The following RUNDC3B variants were observed in gnomAD, a reference collection of about 807,000 sequenced individuals.
RUNDC3B encodes the protein RUN domain containing 3B, also known as RUN domain-containing protein 3B.
A neutral mutation model predicts 58.4 loss-of-function variants in RUNDC3B; 33 were observed. The observed-to-expected ratio is 0.56, with a 90% CI of 0.43 to 0.75. RUNDC3B has a LOEUF of 0.75. Among genes scored for constraint, RUNDC3B ranks in the 30% least tolerant of loss-of-function variants. The pLI is 0.00. For missense variants in RUNDC3B, 501 were observed against 535.7 expected, an observed-to-expected ratio of 0.94 and a Z score of 0.64; for synonymous variants, 193 against 195.2, an observed-to-expected ratio of 0.99 and a Z score of 0.10.
intron 4 of RUNDC3B, among the ~76,000 whole-genome samples, chr7:87,727,609 T>G (rs1831314760): frequency 6.6e-6 from 1 of 152,164 alleles, no homozygotes; most frequent in Admixed American, 6.6e-5. Context: ...GATGAATTTC[T>G]AAAACAAAGA....
chr7:87,663,265 T>C (rs1374960660), intron 2 of RUNDC3B, among the ~76,000 whole-genome samples: 1 of 152,184 alleles, frequency 6.6e-6, no homozygotes, highest in African/African-American at 2.4e-5. Flanking sequence ...TCTTATTTTA[T>C]TGTAAATACA....
intron 6 of RUNDC3B, among the ~76,000 whole-genome samples, chr7:87,755,875 A>G (rs1003673703): frequency 6.6e-6 from 1 of 152,208 alleles, no homozygotes; most frequent in Non-Finnish European, 1.5e-5. Flanking sequence ...AGCCAGAGCA[A>G]TCAGGCAAGA....
At chr7:87,678,402 A>G (rs897262975) in intron 2 of RUNDC3B, among the ~76,000 whole-genome samples, 6 of 152,236 alleles carry the variant, frequency 3.9e-5, no homozygotes, top group Non-Finnish European at 8.8e-5. Context: ...CTAAAATGTT[A>G]ACTGTAGACT....
intron 9 of RUNDC3B, among the ~76,000 whole-genome samples, chr7:87,807,844 A>G (rs1305347282): frequency 6.6e-6 from 1 of 152,170 alleles, no homozygotes; most frequent in Non-Finnish European, 1.5e-5. Context: ...GTCATAAAAC[A>G]CAATTTGAAG....
intron 4 of RUNDC3B, among the ~76,000 whole-genome samples, chr7:87,732,237 C>T (rs1210314591): frequency 8.6e-5 from 13 of 151,880 alleles, no homozygotes; most frequent in Non-Finnish European, 1.2e-4. Context: ...CATATCAAAA[C>T]CTGTGGTATT....
At chr7:87,784,847 G>A (rs1835122325) in intron 8 of RUNDC3B, among the ~76,000 whole-genome samples, 1 of 152,012 alleles carries the variant, frequency 6.6e-6, no homozygotes, top group Non-Finnish European at 1.5e-5. Context: ...TCCTGCCTAT[G>A]TTTCCTTAGC....
intron 1 of RUNDC3B, among the ~76,000 whole-genome samples, chr7:87,632,409 C>T (rs1365403361): frequency 2.0e-5 from 3 of 152,030 alleles, no homozygotes; most frequent in Non-Finnish European, 4.4e-5. Context: ...TTTTAGTGAA[C>T]ATTTACATGT....
chr7:87,694,979 A>G (rs1462411723), intron 2 of RUNDC3B, among the ~76,000 whole-genome samples: 2 of 152,158 alleles, frequency 1.3e-5, no homozygotes, highest in Non-Finnish European at 2.9e-5. Context: ...TAGACATTAC[A>G]TTGTCAATAC....
intron 2 of RUNDC3B, among the ~76,000 whole-genome samples, chr7:87,654,478 G>A (rs185924396): frequency 6.6e-6 from 1 of 152,146 alleles, no homozygotes; most frequent in African/African-American, 2.4e-5. Flanking sequence ...CACACACTAG[G>A]GAAAGGACAG....
At chr7:87,676,877 G>A (rs1826419903) in intron 2 of RUNDC3B, among the ~76,000 whole-genome samples, 1 of 151,922 alleles carries the variant, frequency 6.6e-6, no homozygotes, top group Non-Finnish European at 1.5e-5. Context: ...AAAGACACTC[G>A]ATATCACTAC....
intron 9 of RUNDC3B, among the ~76,000 whole-genome samples, chr7:87,813,770 G>C (rs1836861664): frequency 6.6e-6 from 1 of 151,956 alleles, no homozygotes; most frequent in Admixed American, 6.6e-5. Context: ...GTGAGGTCAG[G>C]AGATTGAGAC....
chr7:87,797,841 C>A (rs1835897282), intron 8 of RUNDC3B, among the ~76,000 whole-genome samples: 1 of 152,062 alleles, frequency 6.6e-6, no homozygotes, highest in Non-Finnish European at 1.5e-5. Flanking sequence ...AGTTAGAATT[C>A]TTTTGCGATG....
intron 2 of RUNDC3B, among the ~76,000 whole-genome samples, chr7:87,695,721 AT>A (rs1395876664): frequency 6.6e-6 from 1 of 152,096 alleles, no homozygotes; most frequent in East Asian, 1.9e-4. Context: ...TTTTTCTTGT[AT>A]TATGAAAAGA....
intron 6 of RUNDC3B, among the ~76,000 whole-genome samples, chr7:87,764,793 T>G (rs1833891140): frequency 6.6e-6 from 1 of 151,948 alleles, no homozygotes. Flanking sequence ...CTTTATTCAG[T>G]ATTTTATTGA....
At chr7:87,717,176 T>C (rs879467031) in intron 4 of RUNDC3B, among the ~76,000 whole-genome samples, 1 of 152,138 alleles carries the variant, frequency 6.6e-6, no homozygotes, top group Non-Finnish European at 1.5e-5. Context: ...TGTTTTTTAA[T>C]AAAAATCATG....
chr7:87,643,582 A>G (rs1822666521), intron 1 of RUNDC3B, among the ~76,000 whole-genome samples: 1 of 152,062 alleles, frequency 6.6e-6, no homozygotes. Flanking sequence ...GTGCAGTGGC[A>G]TGATCTGGGC....
intron 10 of RUNDC3B, among the ~76,000 whole-genome samples, chr7:87,817,950 G>A (rs1837162670): frequency 6.6e-6 from 1 of 152,194 alleles, no homozygotes; most frequent in Non-Finnish European, 1.5e-5. Flanking sequence ...GGCTTAGGCA[G>A]TGTAAATATT....
At chr7:87,802,508 C>A (rs1836224492) in intron 8 of RUNDC3B, among the ~76,000 whole-genome samples, 1 of 152,060 alleles carries the variant, frequency 6.6e-6, no homozygotes, top group Non-Finnish European at 1.5e-5. Flanking sequence ...GCTAGCACAA[C>A]AGAGTGACTA....
At chr7:87,674,564 A>G (rs1223329614) in intron 2 of RUNDC3B, among the ~76,000 whole-genome samples, 1 of 152,138 alleles carries the variant, frequency 6.6e-6, no homozygotes, top group African/African-American at 2.4e-5. Flanking sequence ...GAGTCAGGGC[A>G]TGGGCAAATA....
Sources: allele counts gnomAD v4.1 joint callset (sites outside exome capture counted in the v4.1 genomes callset), GRCh38; gene constraint gnomAD v4.1.1; transcripts MANE v1.5; gene names NCBI Gene and HGNC (gene_info 2026-07-23, HGNC 2026-07-21).